TAB2: variants seen among roughly 807,000 people sequenced by gnomAD.
TAB2 encodes TGF-beta activated kinase 1 (MAP3K7) binding protein 2.
TAB2 carries 3 observed loss-of-function variants against 65.0 expected under a neutral mutation model. The ratio of observed to expected loss-of-function variants is 0.05; its 90% confidence interval spans 0.02 to 0.12. The LOEUF (loss-of-function observed/expected upper bound fraction) is 0.12, where lower values mean the gene tolerates loss of function less well. TAB2 is among the 10% of genes least tolerant of loss of function. The pLI, the probability that TAB2 is intolerant of heterozygous loss-of-function variation, is 1.00. For missense variants in TAB2, 623 were observed against 840.3 expected (o/e 0.74, Z 3.20); for synonymous variants, 298 against 285.1 (o/e 1.05, Z -0.46).
At chr6:149,269,704 A>G (rs1778325205) in intron 1 of TAB2, among the ~76,000 whole-genome samples, 1 of 152,240 alleles carries the variant, frequency 6.6e-6, no homozygotes, top group Non-Finnish European at 1.5e-5. Flanking sequence ...GAAATCATAC[A>G]GGATAAGGTC....
At chr6:149,385,508 A>G (rs1427841361) in intron 3 of TAB2, among the ~76,000 whole-genome samples, 3 of 152,230 alleles carry the variant, frequency 2.0e-5, no homozygotes, top group Non-Finnish European at 4.4e-5. Context: ...AAATAACAAT[A>G]ATAAACTCAG....
chr6:149,337,003 G>T (rs1307806912), intron 1 of TAB2, among the ~76,000 whole-genome samples: 1 of 151,676 alleles, frequency 6.6e-6, no homozygotes, highest in Non-Finnish European at 1.5e-5. Flanking sequence ...GATTTTAAGC[G>T]GCAGACTACA....
At chr6:149,294,489 G>T (rs1778839876) in intron 1 of TAB2, among the ~76,000 whole-genome samples, 2 of 152,194 alleles carry the variant, frequency 1.3e-5, no homozygotes, top group Non-Finnish European at 2.9e-5. Context: ...TTCAACCTAT[G>T]AATTTTGGAG....
intron 6 of TAB2, among the ~76,000 whole-genome samples, chr6:149,400,047 A>G (rs1782319480): frequency 1.3e-5 from 2 of 152,278 alleles, no homozygotes; most frequent in African/African-American, 4.8e-5. Context: ...ATAAGAGGAA[A>G]AGAGGAGCAA....
chr6:149,372,066 G>A (rs186700396), intron 2 of TAB2, among the ~76,000 whole-genome samples: 8 of 152,196 alleles, frequency 5.3e-5, no homozygotes, highest in South Asian at 2.1e-4. Context: ...TGTAGACTTC[G>A]TATTGAAAGA....
intron 1 of TAB2, among the ~76,000 whole-genome samples, chr6:149,325,207 T>C (rs2114737499): frequency 6.6e-6 from 1 of 152,320 alleles, no homozygotes; most frequent in South Asian, 2.1e-4. Context: ...TATGTGATTT[T>C]AGACATCATT....
At chr6:149,233,023 A>G (rs1371550862) in intron 1 of TAB2, among the ~76,000 whole-genome samples, 1 of 152,174 alleles carries the variant, frequency 6.6e-6, no homozygotes, top group African/African-American at 2.4e-5. Context: ...CATAGTACAT[A>G]ATAGCCCTGT....
intron 1 of TAB2, among the ~76,000 whole-genome samples, chr6:149,357,272 C>G (rs535747844): frequency 6.6e-6 from 1 of 151,878 alleles, no homozygotes. Context: ...AAAAACTAAT[C>G]GGGCGTGGTG....
In TAB2 at chr6:149,350,689, A is replaced by G. The variant is rs538121035; in HGVS notation, c.-89-19220A>G. Among the ~76,000 whole-genome samples the G allele has an allele frequency of 2.1e-5, 3 of 140,286 alleles. No homozygotes were observed. The South Asian group carries it at 6.6e-4, about 31-fold the overall frequency. The allele number at this position is 140,286 out of a possible 152,430, so 92.0% of individuals were successfully genotyped here. ...GAGTGCAGTGGCACAATCATAGCTC[A>G]CTACATCCTTGAACTCCTGGGCTCA... is the stretch of plus-strand genomic sequence containing the variant. On this transcript the variant is annotated intron_variant, in intron 1 of 6. Coordinates refer to ENST00000637181, the MANE Select transcript of TAB2 (RefSeq NM_001292034.3).
intron 6 of TAB2, among the ~76,000 whole-genome samples, chr6:149,403,279 TATATACAC>T (rs1782525881): frequency 5.0e-5 from 2 of 40,048 alleles, no homozygotes; most frequent in African/African-American, 2.8e-4. Flanking sequence ...TATATATATA[TATATACAC>T]ACACACACAT....
chr6:149,269,649 G>A (rs1778324326), intron 1 of TAB2, among the ~76,000 whole-genome samples: 1 of 152,114 alleles, frequency 6.6e-6, no homozygotes, highest in Non-Finnish European at 1.5e-5. Context: ...TGTCCTTGTA[G>A]TTTTACCTTT....
intron 1 of TAB2, among the ~76,000 whole-genome samples, chr6:149,231,098 C>T (rs915434537): frequency 1.5e-4 from 23 of 152,202 alleles, no homozygotes; most frequent in African/African-American, 5.5e-4. Context: ...TACCTACATT[C>T]TAATCAGAGG....
chr6:149,234,881 A>C (rs73781715), intron 1 of TAB2, among the ~76,000 whole-genome samples: 3,084 of 147,914 alleles, frequency 0.021, 120 homozygotes, highest in African/African-American at 0.072. Context: ...AAAAAAAAAA[A>C]CACACTCTTT....
At chr6:149,407,645 T>G (rs754172165) in intron 6 of TAB2, among the ~76,000 whole-genome samples, 24 of 152,184 alleles carry the variant, frequency 1.6e-4, no homozygotes, top group Non-Finnish European at 4.4e-5. Context: ...AATTTAGTCC[T>G]TGAAGTCAGT....
At chr6:149,356,513 G>A (rs1204860850) in intron 1 of TAB2, among the ~76,000 whole-genome samples, 3 of 152,148 alleles carry the variant, frequency 2.0e-5, no homozygotes, top group African/African-American at 7.2e-5. Context: ...CTGAATGTCT[G>A]GTGAATTCCC....
rs770703239 is a variant in TAB2 at position 149,400,426 on chromosome 6, CTG to C, written c.1939+1243_1939+1244del. The C allele has an allele frequency of 1.4e-5, 22 of 1,614,110 alleles. No homozygotes were observed. In the Admixed American group the frequency reaches 1.7e-4, roughly 12 times the overall value. On this transcript the variant is annotated intron_variant, in intron 6 of 6. Coordinates refer to ENST00000637181, the MANE Select transcript of TAB2 (RefSeq NM_001292034.3). ...GAAAAGCCCACAGAAGAAGTCAAGACTGAGAACAACAATCATATTAATTTGAA... is the reference window on the plus strand; with the variant it reads ...GAAAAGCCCACAGAAGAAGTCAAGACAGAACAACAATCATATTAATTTGAA...
chr6:149,335,023 C>T (rs1779892334), intron 1 of TAB2, among the ~76,000 whole-genome samples: 2 of 152,032 alleles, frequency 1.3e-5, no homozygotes, highest in South Asian at 4.2e-4. Flanking sequence ...CCCTCCCTTC[C>T]GCCTCCCTCC....
chr6:149,325,215 A>G (rs1426011889), intron 1 of TAB2, among the ~76,000 whole-genome samples: 2 of 152,226 alleles, frequency 1.3e-5, no homozygotes, highest in Non-Finnish European at 1.5e-5. Context: ...TTTAGACATC[A>G]TTCACACACT....
At chr6:149,403,840 T>C (rs1332708601) in intron 6 of TAB2, among the ~76,000 whole-genome samples, 6 of 152,106 alleles carry the variant, frequency 3.9e-5, no homozygotes, top group Non-Finnish European at 7.3e-5. Context: ...TCACTCATTA[T>C]TGAGAAACCT....
Sources: gnomAD v4.1 joint callset for allele counts (sites outside exome capture counted in the v4.1 genomes callset) on GRCh38, gnomAD v4.1.1 for gene constraint, MANE v1.5 for transcripts, NCBI Gene and HGNC (gene_info 2026-07-23, HGNC 2026-07-21) for gene names.